GXYLT2: variants seen among roughly 807,000 people sequenced by gnomAD.
GXYLT2 encodes glucoside xylosyltransferase 2.
In GXYLT2, 53 loss-of-function variants were observed where a neutral mutation model predicts 45.8. The ratio of observed to expected loss-of-function variants is 1.16; its 90% confidence interval spans 0.93 to 1.46. The LOEUF is 1.46. Ranked by LOEUF, GXYLT2 falls within the 40% of genes most tolerant of loss-of-function variation. The pLI, the probability that GXYLT2 is intolerant of heterozygous loss-of-function variation, is 0.00. For synonymous variants in GXYLT2, 219 were observed against 214.2 expected (o/e 1.02, Z -0.19); for missense variants, 551 against 544.4 (o/e 1.01, Z -0.12).
chr3:72,906,635 A>G (rs1411580837), intron 1 of GXYLT2, among the ~76,000 whole-genome samples: 1 of 152,210 alleles, frequency 6.6e-6, no homozygotes, highest in African/African-American at 2.4e-5. Flanking sequence ...ATGCCTACAC[A>G]TAACAGTACT....
intron 3 of GXYLT2, among the ~76,000 whole-genome samples, chr3:72,937,607 G>A (rs932277478): frequency 6.6e-6 from 1 of 152,154 alleles, no homozygotes; most frequent in Non-Finnish European, 1.5e-5. Context: ...TTGGAGTCTG[G>A]ATTGAAGCCC....
rs561503497 is a variant in GXYLT2, at chr3:72,913,731, T to A, written c.468+5172T>A. 4.6e-5 allele frequency among the ~76,000 whole-genome samples: 7 copies of A among 152,176 alleles called. No homozygotes were observed. The South Asian group carries it at 1.5e-3, about 32-fold the overall frequency. ...AAATAAAAATAATTTTTAGAAAAAC[T>A]AGGCAGGGTGTATACTACCGTCACT... On this transcript the variant is annotated intron_variant, in intron 2 of 6. Transcript: ENST00000389617.
chr3:72,921,876 T>G (rs994721218), intron 2 of GXYLT2, among the ~76,000 whole-genome samples: 44 of 142,706 alleles, frequency 3.1e-4, no homozygotes, highest in Non-Finnish European at 4.6e-4. Flanking sequence ...TATTACAAAC[T>G]AGGTTGTGGT....
In GXYLT2 at chr3:72,967,647, G is replaced by T. The variant is rs759826534; in HGVS notation, c.1077G>T (p.Leu359=). The change falls in exon 6 of 7, where the codon CTG becomes CTT. Residue 359 remains leucine, a synonymous_variant. Coordinates refer to ENST00000389617, the MANE Select transcript of GXYLT2 (RefSeq NM_001080393.2). ...REAEHEGVSV[L]HGNRGVYHDD... is the part of the protein sequence containing the mutation. ...CTGAGCATGAAGGTGTGTCTGTTCT[G>T]CATGGAAACCGAGGCGTCTACCATG... is the stretch of plus-strand genomic sequence containing the variant. 1.9e-6 allele frequency: 3 copies of T among 1,613,948 alleles called. No homozygotes were observed.
At chr3:72,960,635 C>T (rs1384081756) in intron 5 of GXYLT2, among the ~76,000 whole-genome samples, 1 of 152,172 alleles carries the variant, frequency 6.6e-6, no homozygotes, top group Non-Finnish European at 1.5e-5. Flanking sequence ...CCTGACTGTC[C>T]TTCGTACAGC....
chr3:72,966,073 C>T (rs571805116), intron 5 of GXYLT2, among the ~76,000 whole-genome samples: 1 of 152,138 alleles, frequency 6.6e-6, no homozygotes, highest in South Asian at 2.1e-4. Context: ...CCCTGCCTTC[C>T]GGGTTCTAGA....
intron 2 of GXYLT2, among the ~76,000 whole-genome samples, chr3:72,919,740 G>A (rs972774804): frequency 2.0e-5 from 3 of 152,210 alleles, no homozygotes; most frequent in Non-Finnish European, 4.4e-5. Flanking sequence ...GGATGACAGC[G>A]CGAGACTCTG....
At chr3:72,948,835 C>CAAA (rs1234193329) in intron 3 of GXYLT2, among the ~76,000 whole-genome samples, 5 of 74,950 alleles carry the variant, frequency 6.7e-5, no homozygotes, top group East Asian at 3.1e-4. Context: ...GATTCTGTCT[C>CAAA]AAAAAAAAAA....
rs137942369 is a variant in GXYLT2, at chr3:72,931,780, T to G, written c.600+9445T>G. Among the ~76,000 whole-genome samples, 955 of 151,608 alleles carry G rather than the reference T, an allele frequency of 6.3e-3. 6 individuals carry two copies. The highest frequency in any genetic ancestry group is 0.022 in the African/African-American group (894 of 41,298). On this transcript the variant is annotated intron_variant, in intron 3 of 6. Transcript: ENST00000389617. Reference sequence around the variant, plus strand: ...GCAGAAGGATGGAAATAATAAAGATTCAACTGAAAATTAATGATACAGAGA... The same window carrying G: ...GCAGAAGGATGGAAATAATAAAGATGCAACTGAAAATTAATGATACAGAGA...
intron 3 of GXYLT2, among the ~76,000 whole-genome samples, chr3:72,930,819 C>G (rs1040868185): frequency 2.0e-5 from 3 of 151,930 alleles, no homozygotes; most frequent in African/African-American, 7.2e-5. Context: ...GTCTCGAACC[C>G]CTGGGCTCAA....
intron 6 of GXYLT2, among the ~76,000 whole-genome samples, chr3:72,969,658 A>C (rs915511628): frequency 6.6e-6 from 1 of 152,130 alleles, no homozygotes; most frequent in Admixed American, 6.6e-5. Context: ...ATCTATGGTT[A>C]TGTTGGCACT....
Position 72,975,061 on chromosome 3 carries a change from C to T in GXYLT2, c.1234C>T (p.Arg412Ter), listed in dbSNP as rs536663438. 34 of 1,613,074 alleles carry T rather than the reference C, an allele frequency of 2.1e-5. No homozygotes were observed. In the South Asian group the frequency reaches 2.7e-4, roughly 13 times the overall value. Reference protein sequence around the residue: ...FLETVHTLCGRIPQVFLKQIE... With the variant: ...FLETVHTLCG ...GGAGACTGTGCACACTTTATGTGGACGAATCCCGCAAGTTTTTCTGAAGCA... is the reference window on the plus strand; with the variant it reads ...GGAGACTGTGCACACTTTATGTGGATGAATCCCGCAAGTTTTTCTGAAGCA... Residue 412 changes from arginine (R) to a stop codon, truncating the protein, a stop_gained, in exon 7 of 7, where the codon CGA (arginine) becomes TGA (stop). Coordinates refer to ENST00000389617, the MANE Select transcript of GXYLT2 (RefSeq NM_001080393.2). LOFTEE classifies it high-confidence loss of function.
At chr3:72,936,046 C>T (rs1710169858) in intron 3 of GXYLT2, among the ~76,000 whole-genome samples, 2 of 152,208 alleles carry the variant, frequency 1.3e-5, no homozygotes, top group Admixed American at 6.5e-5. Flanking sequence ...AATCCCAGCA[C>T]TTTGGGAGGC....
At chr3:72,895,971 T>A (rs1484927297) in intron 1 of GXYLT2, among the ~76,000 whole-genome samples, 1 of 152,242 alleles carries the variant, frequency 6.6e-6, no homozygotes, top group African/African-American at 2.4e-5. Flanking sequence ...GGCTCTCTTT[T>A]ATGAGTCAGA....
chr3:72,953,464 A>G (rs192895849), intron 3 of GXYLT2, among the ~76,000 whole-genome samples: 71 of 151,928 alleles, frequency 4.7e-4, no homozygotes, highest in African/African-American at 1.7e-3. Flanking sequence ...TAATTTTTCT[A>G]TTTTTTGATA....
At chr3:72,900,806 A>G (rs1404477374) in intron 1 of GXYLT2, among the ~76,000 whole-genome samples, 2 of 143,774 alleles carry the variant, frequency 1.4e-5, no homozygotes, top group African/African-American at 2.5e-5. Flanking sequence ...AAGTGCATTA[A>G]TGTATTTATT....
At chr3:72,966,327 TG>T (rs1710865080) in intron 5 of GXYLT2, among the ~76,000 whole-genome samples, 1 of 151,404 alleles carries the variant, frequency 6.6e-6, no homozygotes. Flanking sequence ...GTTTTTTGTT[TG>T]TTCTTAATCT....
chr3:72,908,301 C>T (rs755048389), intron 1 of GXYLT2, 66 bp from the exon 2 acceptor site: 24 of 1,166,768 alleles, frequency 2.1e-5, no homozygotes, highest in South Asian at 4.7e-5. Flanking sequence ...ATTCACTCGC[C>T]GGTTTTTTGT....
At chr3:72,961,025 A>G (rs1411266831) in intron 5 of GXYLT2, among the ~76,000 whole-genome samples, 1 of 152,202 alleles carries the variant, frequency 6.6e-6, no homozygotes, top group Non-Finnish European at 1.5e-5. Flanking sequence ...TTAGCTAGAA[A>G]GTGTTTTAAA....
Sources: allele counts gnomAD v4.1 joint callset (sites outside exome capture counted in the v4.1 genomes callset), GRCh38; gene constraint gnomAD v4.1.1; transcripts MANE v1.5; gene names NCBI Gene and HGNC (gene_info 2026-07-23, HGNC 2026-07-21).